ULK4: variants seen among roughly 807,000 people sequenced by gnomAD.
The protein encoded by ULK4 is unc-51 like kinase 4.
In ULK4, 133 loss-of-function variants were observed where a neutral mutation model predicts 160.6. The observed-to-expected ratio is 0.83, with a 90% confidence interval of 0.72 to 0.96. The LOEUF (loss-of-function observed/expected upper bound fraction) is 0.96, where lower values mean the gene tolerates loss of function less well. ULK4 is among the 40% of genes least tolerant of loss of function. ULK4 has a pLI of 0.00. For missense variants in ULK4, 1,580 were observed against 1,499.5 expected (o/e 1.05, Z -0.89); for synonymous variants, 534 against 539.8 (o/e 0.99, Z 0.15).
intron 27 of ULK4, among the ~76,000 whole-genome samples, chr3:41,682,894 T>C (rs796691383): frequency 6.6e-6 from 1 of 152,188 alleles, no homozygotes; most frequent in South Asian, 2.1e-4. Flanking sequence ...GGTTGAATAG[T>C]GTATATCAGG....
At chr3:41,531,632 A>G (rs1442999788) in intron 32 of ULK4, among the ~76,000 whole-genome samples, 4 of 152,214 alleles carry the variant, frequency 2.6e-5, no homozygotes, top group African/African-American at 2.4e-5. Flanking sequence ...TGGTATTACT[A>G]TAATTTAAAC....
intron 35 of ULK4, among the ~76,000 whole-genome samples, chr3:41,381,443 G>A (rs1435875010): frequency 6.6e-6 from 1 of 152,152 alleles, no homozygotes; most frequent in Non-Finnish European, 1.5e-5. Context: ...TGTTCAACAG[G>A]CATCTTAAAT....
intron 5 of ULK4, among the ~76,000 whole-genome samples, chr3:41,924,183 C>A (rs1699295717): frequency 1.3e-5 from 2 of 152,166 alleles, no homozygotes; most frequent in Non-Finnish European, 2.9e-5. Context: ...CAATCATCAA[C>A]CCCACCCCAG....
chr3:41,689,579 C>T (rs965283091), intron 27 of ULK4, among the ~76,000 whole-genome samples: 19 of 152,008 alleles, frequency 1.2e-4, no homozygotes, highest in African/African-American at 4.6e-4. Context: ...ACAATGAACT[C>T]AAACAAATTT....
intron 8 of ULK4, 32 bp from the exon 9 acceptor site, chr3:41,912,931 T>G (rs761807516): frequency 2.1e-5 from 33 of 1,602,216 alleles, no homozygotes; most frequent in Non-Finnish European, 2.8e-5. Flanking sequence ...AAACTCTACT[T>G]TAACATGATT....
At chr3:41,804,122 T>C (rs1454362465) in intron 19 of ULK4, among the ~76,000 whole-genome samples, 1 of 151,702 alleles carries the variant, frequency 6.6e-6, no homozygotes, top group Non-Finnish European at 1.5e-5. Flanking sequence ...AGTGTTCCTA[T>C]TTCTCCACAT....
At chr3:41,508,084 G>A (rs891013660) in intron 32 of ULK4, among the ~76,000 whole-genome samples, 3 of 152,344 alleles carry the variant, frequency 2.0e-5, no homozygotes, top group African/African-American at 4.8e-5. Flanking sequence ...AGTCGGTGCC[G>A]CTGGGGAGCA....
chr3:41,249,438 G>C, intron 36 of ULK4, 51 bp downstream of exon 36: 2 of 1,537,538 alleles, frequency 1.3e-6, no homozygotes, highest in South Asian at 1.2e-5. Flanking sequence ...GAATGGCTGA[G>C]AGTGTGTGCT....
At chr3:41,766,954 G>A (rs376847771) in intron 21 of ULK4, 21 of 152,308 alleles carry the variant, frequency 1.4e-4, no homozygotes, top group African/African-American at 5.1e-4. Context: ...AGAGCTACTG[G>A]AAGTTTTTGT....
At chr3:41,581,905 G>A (rs1463604669) in intron 31 of ULK4, among the ~76,000 whole-genome samples, 3 of 152,206 alleles carry the variant, frequency 2.0e-5, no homozygotes, top group Non-Finnish European at 4.4e-5. Context: ...CAGATGAGAT[G>A]AGACAAAGGT....
chr3:41,802,047 T>C (rs186962304), intron 19 of ULK4, among the ~76,000 whole-genome samples: 53 of 152,014 alleles, frequency 3.5e-4, no homozygotes, highest in Non-Finnish European at 6.0e-4. Context: ...TACAAATTTA[T>C]GCACAAAAAT....
chr3:41,542,314 T>C (rs562273330), intron 32 of ULK4, among the ~76,000 whole-genome samples: 1 of 152,194 alleles, frequency 6.6e-6, no homozygotes, highest in Non-Finnish European at 1.5e-5. Flanking sequence ...TGTGATGTAT[T>C]ACATTTATTA....
chr3:41,607,107 C>T (rs1440573555), intron 31 of ULK4, among the ~76,000 whole-genome samples: 1 of 151,970 alleles, frequency 6.6e-6, no homozygotes. Context: ...GTCTTTAATC[C>T]ATTTTGAGTT....
intron 35 of ULK4, among the ~76,000 whole-genome samples, chr3:41,279,567 C>T (rs2079309086): frequency 4.8e-4 from 3 of 6,260 alleles, no homozygotes; most frequent in African/African-American, 2.2e-3. Context: ...AGAGAAAGGT[C>T]GGGTTACCCC....
intron 35 of ULK4, among the ~76,000 whole-genome samples, chr3:41,273,341 AGG>A (rs1332334143): frequency 1.3e-5 from 2 of 152,136 alleles, no homozygotes; most frequent in Non-Finnish European, 2.9e-5. Context: ...AGGAACTATA[AGG>A]TTTTCTAGTT....
chr3:41,455,103 G>T (rs1037188359), intron 34 of ULK4, among the ~76,000 whole-genome samples: 30 of 151,984 alleles, frequency 2.0e-4, no homozygotes, highest in African/African-American at 7.0e-4. Flanking sequence ...TGAGGGGGTG[G>T]GCCCTAGGTC....
At chr3:41,880,795 G>A (rs556530935) in intron 17 of ULK4, among the ~76,000 whole-genome samples, 1 of 152,172 alleles carries the variant, frequency 6.6e-6, no homozygotes, top group East Asian at 1.9e-4. Flanking sequence ...ATGGTGGCAT[G>A]AACCTGTGGT....
intron 17 of ULK4, among the ~76,000 whole-genome samples, chr3:41,845,548 GT>G (rs2042051239): frequency 6.6e-6 from 1 of 152,136 alleles, no homozygotes; most frequent in Non-Finnish European, 1.5e-5. Context: ...AGAGGATAGG[GT>G]CATAAAAAGG....
chr3:41,484,025 C>T (rs944517242), intron 32 of ULK4, among the ~76,000 whole-genome samples: 1 of 152,162 alleles, frequency 6.6e-6, no homozygotes, highest in Non-Finnish European at 1.5e-5. Context: ...CCTCCAGAAG[C>T]TTGTGTCTTT....
Sources: allele counts gnomAD v4.1 joint callset (sites outside exome capture counted in the v4.1 genomes callset), GRCh38; gene constraint gnomAD v4.1.1; transcripts MANE v1.5; gene names NCBI Gene and HGNC (gene_info 2026-07-23, HGNC 2026-07-21).